Variants in ADAMTS6 observed in about 807,000 individuals in gnomAD.
The protein encoded by ADAMTS6 is ADAM metallopeptidase with thrombospondin type 1 motif 6.
In ADAMTS6, 23 loss-of-function variants were observed where a neutral mutation model predicts 144.3. The observed-to-expected ratio is 0.16, with a 90% CI of 0.11 to 0.23. The LOEUF (loss-of-function observed/expected upper bound fraction) is 0.23, where lower values mean the gene tolerates loss of function less well. ADAMTS6 is among the 10% of genes least tolerant of loss of function. ADAMTS6 has a pLI of 1.00. For synonymous variants in ADAMTS6, 444 were observed against 457.5 expected (o/e 0.97, Z 0.38); for missense variants, 999 against 1,379.6 (o/e 0.72, Z 4.37).
intron 7 of ADAMTS6, among the ~76,000 whole-genome samples, chr5:65,376,894 A>G (rs1182652367): frequency 6.6e-6 from 1 of 152,104 alleles, no homozygotes; most frequent in Non-Finnish European, 1.5e-5. Flanking sequence ...CAGATTATGT[A>G]AAATATTTGG....
intron 7 of ADAMTS6, among the ~76,000 whole-genome samples, chr5:65,401,442 A>G (rs962142307): frequency 9.8e-5 from 15 of 152,308 alleles, no homozygotes; most frequent in African/African-American, 3.4e-4. Context: ...ATTCCCAGAT[A>G]GATCCCTTTC....
intron 15 of ADAMTS6, among the ~76,000 whole-genome samples, chr5:65,235,327 A>G (rs1758585133): frequency 6.6e-6 from 1 of 152,238 alleles, no homozygotes. Flanking sequence ...GTACACCTTA[A>G]CTATATACAA....
intron 21 of ADAMTS6, 91 bp from the exon 22 acceptor site, chr5:65,188,311 T>A: frequency 8.3e-7 from 1 of 1,203,162 alleles, no homozygotes; most frequent in Non-Finnish European, 1.2e-6. Context: ...ACTGATGGAC[T>A]ACGAGCTGAC....
Position 65,473,803 on chromosome 5 carries a change from G to A in ADAMTS6, c.-130C>T. The A allele has an allele frequency of 1.6e-6, 1 of 643,002 alleles. No individual in the cohort carries two copies. Among genetic ancestry groups the A allele is most frequent in the Admixed American group, 2.7e-5 (1 of 36,414 alleles). 39.8% of individuals were successfully genotyped at this position (643,002 alleles called of 1,614,324 possible). A position where few individuals can be genotyped will look rare whatever the true frequency, so the allele number is the denominator to read the frequency against. ...CAAATTAGTTATTGGATGTTCCACT[G>A]TTTAAGAGCCACTTTTATCCAACAT... On this transcript the variant is annotated 5_prime_UTR_variant, in exon 2 of 25. It introduces an in-frame stop codon into an upstream open reading frame of the 5' UTR. Transcript: ENST00000381055.
intron 20 of ADAMTS6, among the ~76,000 whole-genome samples, chr5:65,202,107 T>C (rs375277854): frequency 6.6e-6 from 1 of 152,160 alleles, no homozygotes; most frequent in African/African-American, 2.4e-5. Context: ...AGGGTACCAA[T>C]CAACTCCACT....
At chr5:65,298,971 T>C (rs1362356548) in intron 10 of ADAMTS6, among the ~76,000 whole-genome samples, 1 of 152,070 alleles carries the variant, frequency 6.6e-6, no homozygotes, top group Non-Finnish European at 1.5e-5. Flanking sequence ...AATATAATCA[T>C]TTTAATATAA....
intron 7 of ADAMTS6, chr5:65,415,383 C>A: frequency 6.2e-6 from 1 of 160,680 alleles, no homozygotes; most frequent in South Asian, 1.5e-4. Flanking sequence ...AAGGGTGCAT[C>A]CCGGGGGCCC....
chr5:65,375,669 T>C (rs1751460757), intron 7 of ADAMTS6, among the ~76,000 whole-genome samples: 1 of 152,072 alleles, frequency 6.6e-6, no homozygotes, highest in Admixed American at 6.5e-5. Context: ...GGTGGGACTG[T>C]AAACTAGTTC....
At chr5:65,425,432 T>C (rs572315885) in intron 7 of ADAMTS6, among the ~76,000 whole-genome samples, 14 of 152,344 alleles carry the variant, frequency 9.2e-5, no homozygotes, top group African/African-American at 2.9e-4. Flanking sequence ...CTGAAGCCAA[T>C]AACCTCATCT....
intron 10 of ADAMTS6, among the ~76,000 whole-genome samples, chr5:65,292,077 A>G (rs1742369504): frequency 6.6e-6 from 1 of 152,170 alleles, no homozygotes; most frequent in Admixed American, 6.5e-5. Context: ...TCAGAATTGG[A>G]AAAGAGAATG....
chr5:65,293,899 A>T (rs1026875845), intron 10 of ADAMTS6, among the ~76,000 whole-genome samples: 2 of 152,248 alleles, frequency 1.3e-5, no homozygotes, highest in Non-Finnish European at 2.9e-5. Context: ...TTTACAGAAG[A>T]ATAAAACACC....
chr5:65,219,798 A>G (rs1257568239), intron 18 of ADAMTS6, among the ~76,000 whole-genome samples: 1 of 152,246 alleles, frequency 6.6e-6, no homozygotes, highest in Non-Finnish European at 1.5e-5. Context: ...ATAAATGTCT[A>G]TACACCTAAA....
intron 7 of ADAMTS6, among the ~76,000 whole-genome samples, chr5:65,416,922 C>T (rs1356138675): frequency 6.6e-6 from 1 of 151,710 alleles, no homozygotes; most frequent in Non-Finnish European, 1.5e-5. Context: ...AAAGAAACAA[C>T]AAAAAAAGAA....
chr5:65,321,935 C>T (rs1745654307), intron 9 of ADAMTS6, among the ~76,000 whole-genome samples: 2 of 151,882 alleles, frequency 1.3e-5, no homozygotes, highest in Non-Finnish European at 2.9e-5. Flanking sequence ...AGGCTGGTCT[C>T]AAACTCCTGA....
chr5:65,247,452 C>A (rs1287356510), intron 14 of ADAMTS6, among the ~76,000 whole-genome samples: 1 of 152,086 alleles, frequency 6.6e-6, no homozygotes, highest in Non-Finnish European at 1.5e-5. Context: ...GGGTTCTAAT[C>A]CTGGTTTTGT....
chr5:65,340,656 A>G (rs1261225218), intron 7 of ADAMTS6, among the ~76,000 whole-genome samples: 2 of 152,058 alleles, frequency 1.3e-5, no homozygotes, highest in Admixed American at 1.3e-4. Flanking sequence ...CCCATTGAAA[A>G]GATATAAACT....
At chr5:65,259,421 G>A (rs1201668413) in intron 14 of ADAMTS6, among the ~76,000 whole-genome samples, 1 of 151,760 alleles carries the variant, frequency 6.6e-6, no homozygotes, top group Non-Finnish European at 1.5e-5. Context: ...AAAAGAGTAG[G>A]AGCCAATGAA....
chr5:65,212,890 A>G (rs892580883), intron 20 of ADAMTS6, among the ~76,000 whole-genome samples: 3 of 152,190 alleles, frequency 2.0e-5, no homozygotes, highest in Non-Finnish European at 2.9e-5. Context: ...TTATTCTTTA[A>G]TAAGTTTATC....
intron 7 of ADAMTS6, among the ~76,000 whole-genome samples, chr5:65,385,213 A>G (rs1484097039): frequency 6.6e-6 from 1 of 152,244 alleles, no homozygotes; most frequent in Admixed American, 6.5e-5. Flanking sequence ...ATTCATCAGA[A>G]TTAGCAAATA....
Sources: allele counts gnomAD v4.1 joint callset (sites outside exome capture counted in the v4.1 genomes callset), GRCh38; gene constraint gnomAD v4.1.1; transcripts MANE v1.5; gene names NCBI Gene and HGNC (gene_info 2026-07-23, HGNC 2026-07-21).